Variants in FHOD3 observed in about 807,000 individuals in gnomAD.
The protein encoded by FHOD3 is formin homology 2 domain containing 3.
A neutral mutation model predicts 173.0 loss-of-function variants in FHOD3; 90 were observed. The ratio of observed to expected loss-of-function variants is 0.52; its 90% CI spans 0.44 to 0.62. The LOEUF is 0.62. FHOD3 is among the 20% of genes least tolerant of loss of function. The pLI is 0.00. For synonymous variants in FHOD3, 828 were observed against 823.0 expected (o/e 1.01, Z -0.10); for missense variants, 1,945 against 2,034.7 (o/e 0.96, Z 0.85).
intron 3 of FHOD3, among the ~76,000 whole-genome samples, chr18:36,473,620 T>A (rs2053404587): frequency 6.6e-6 from 1 of 152,222 alleles, no homozygotes; most frequent in Non-Finnish European, 1.5e-5. Flanking sequence ...ATGTTCAGAA[T>A]GCATTTTTCT....
intron 3 of FHOD3, among the ~76,000 whole-genome samples, chr18:36,426,196 G>T (rs573898545): frequency 1.3e-5 from 2 of 152,066 alleles, no homozygotes; most frequent in Non-Finnish European, 2.9e-5. Flanking sequence ...GAGCCACCGC[G>T]CCCGGCCTTC....
At chr18:36,756,721 A>G (rs563658749) in intron 25 of FHOD3, among the ~76,000 whole-genome samples, 1 of 152,272 alleles carries the variant, frequency 6.6e-6, no homozygotes, top group Admixed American at 6.5e-5. Context: ...CTTACCATCC[A>G]CCTTTGTGTA....
At chr18:36,436,410 A>G (rs929855537) in intron 3 of FHOD3, among the ~76,000 whole-genome samples, 1 of 152,158 alleles carries the variant, frequency 6.6e-6, no homozygotes, top group African/African-American at 2.4e-5. Flanking sequence ...AGATTTGCTT[A>G]TTTGTTTGTT....
intron 22 of FHOD3, 37 bp from the exon 23 acceptor site, chr18:36,743,995 G>T: frequency 1.2e-6 from 2 of 1,612,300 alleles, no homozygotes; most frequent in Non-Finnish European, 1.7e-6. Flanking sequence ...CTAAGAGCCT[G>T]CTTGAAACAT....
chr18:36,394,435 G>A (rs950229043), intron 3 of FHOD3, among the ~76,000 whole-genome samples: 1 of 152,146 alleles, frequency 6.6e-6, no homozygotes, highest in Non-Finnish European at 1.5e-5. Flanking sequence ...GGAAAGAGCG[G>A]TATAGCTGGC....
chr18:36,661,935 A>G lies in FHOD3; in HGVS notation c.1835+3747A>G, dbSNP rs543032027. On this transcript the variant is annotated intron_variant, in intron 14 of 28. Coordinates refer to ENST00000590592, the MANE Select transcript of FHOD3 (RefSeq NM_001281740.3). ...ACCAGAACTATCTGCAAAGGCCCTC[A>G]GGAATACAAGATGCAACTGTTTAAT... Among the ~76,000 whole-genome samples the G allele has an allele frequency of 3.3e-5, 5 of 152,374 alleles. No homozygotes were observed. In the South Asian group the frequency reaches 1.0e-3, roughly 32 times the overall value.
chr18:36,532,839 A>G (rs2056843256), intron 5 of FHOD3, among the ~76,000 whole-genome samples: 1 of 152,182 alleles, frequency 6.6e-6, no homozygotes, highest in Non-Finnish European at 1.5e-5. Context: ...GTTCCATTAA[A>G]ACGTTTAAAG....
At chr18:36,351,806 T>C (rs2046139200) in intron 1 of FHOD3, among the ~76,000 whole-genome samples, 1 of 152,194 alleles carries the variant, frequency 6.6e-6, no homozygotes, top group African/African-American at 2.4e-5. Flanking sequence ...CTTGGGCTAC[T>C]GGGAATAAAA....
rs540449587 is a variant in FHOD3 at position 36,438,949 on chromosome 18, G to A, written c.338-62983G>A. Reference sequence around the variant, plus strand: ...CATCTGGGATGACTCTGTCTACCTCGCACCCAAAGTTGTGCTGAACACAGG... The same window carrying A: ...CATCTGGGATGACTCTGTCTACCTCACACCCAAAGTTGTGCTGAACACAGG... On this transcript the variant is annotated intron_variant, in intron 3 of 28. Coordinates refer to ENST00000590592, the MANE Select transcript of FHOD3 (RefSeq NM_001281740.3). 1.4e-3 allele frequency among the ~76,000 whole-genome samples: 218 copies of A among 152,278 alleles called. 2 individuals are homozygous for A. The highest frequency in any genetic ancestry group is 2.0e-3 in the Non-Finnish European group (134 of 68,034).
At chr18:36,583,446 T>C (rs925962778) in intron 6 of FHOD3, among the ~76,000 whole-genome samples, 5 of 152,218 alleles carry the variant, frequency 3.3e-5, no homozygotes, top group Non-Finnish European at 7.3e-5. Context: ...TTTATTCTTT[T>C]CCCTTCTCCT....
At chr18:36,498,579 A>G (rs2054861586) in intron 3 of FHOD3, among the ~76,000 whole-genome samples, 1 of 152,240 alleles carries the variant, frequency 6.6e-6, no homozygotes, top group Admixed American at 6.5e-5. Flanking sequence ...CTTGAAAGAC[A>G]CAAATGAACA....
chr18:36,579,953 A>AC (rs895554622), intron 6 of FHOD3, among the ~76,000 whole-genome samples: 37 of 152,114 alleles, frequency 2.4e-4, no homozygotes, highest in African/African-American at 8.7e-4. Context: ...GAAAAAAAAA[A>AC]ACAGAAATAA....
intron 3 of FHOD3, among the ~76,000 whole-genome samples, chr18:36,388,268 A>G (rs961616656): frequency 2.0e-5 from 3 of 152,176 alleles, no homozygotes; most frequent in Non-Finnish European, 4.4e-5. Context: ...CAAGCTAAAC[A>G]GGAAAAGCGA....
chr18:36,634,514 C>T (rs2034737257), intron 10 of FHOD3, among the ~76,000 whole-genome samples: 1 of 152,122 alleles, frequency 6.6e-6, no homozygotes, highest in Non-Finnish European at 1.5e-5. Flanking sequence ...TTCTTGGAAG[C>T]AGTTGGCAAT....
intron 8 of FHOD3, among the ~76,000 whole-genome samples, chr18:36,608,708 T>C (rs1239923414): frequency 1.3e-5 from 2 of 152,224 alleles, no homozygotes; most frequent in Admixed American, 6.5e-5. Context: ...CTCTGATCAC[T>C]GTAATTTTGT....
chr18:36,347,515 C>T (rs1382502296), intron 1 of FHOD3, among the ~76,000 whole-genome samples: 1 of 152,202 alleles, frequency 6.6e-6, no homozygotes, highest in African/African-American at 2.4e-5. Flanking sequence ...GCTTCTCTTG[C>T]TCGGTGGCCA....
At chr18:36,507,291 A>T (rs1247302422) in intron 4 of FHOD3, among the ~76,000 whole-genome samples, 3 of 152,248 alleles carry the variant, frequency 2.0e-5, no homozygotes, top group Admixed American at 2.0e-4. Context: ...TCTAGCACAA[A>T]ATTATTTAAA....
chr18:36,527,574 A>G (rs1441681486), intron 5 of FHOD3, among the ~76,000 whole-genome samples: 1 of 152,176 alleles, frequency 6.6e-6, no homozygotes, highest in Non-Finnish European at 1.5e-5. Context: ...TGGTGGGCAC[A>G]TAGGGCCACT....
chr18:36,502,808 G>A (rs924774395), intron 4 of FHOD3, among the ~76,000 whole-genome samples: 1 of 151,980 alleles, frequency 6.6e-6, no homozygotes, highest in African/African-American at 2.4e-5. Context: ...GTTTCCTAAT[G>A]GTAAATATTC....
Sources: allele counts gnomAD v4.1 joint callset (sites outside exome capture counted in the v4.1 genomes callset), GRCh38; gene constraint gnomAD v4.1.1; transcripts MANE v1.5; gene names NCBI Gene and HGNC (gene_info 2026-07-23, HGNC 2026-07-21).